Variants in TMEM117 observed in about 807,000 individuals in gnomAD.
TMEM117 encodes transmembrane protein 117.
A neutral mutation model predicts 52.4 loss-of-function variants in TMEM117; 27 were observed. The observed-to-expected ratio is 0.51, with a 90% CI of 0.38 to 0.71. The LOEUF (loss-of-function observed/expected upper bound fraction) is 0.71, where lower values mean the gene tolerates loss of function less well. TMEM117 is among the 30% of genes least tolerant of loss of function. The probability of loss-of-function intolerance (pLI) is 0.00; values close to 1 mark genes in which losing one functional copy is unlikely to be tolerated. For missense variants in TMEM117, 556 were observed against 630.5 expected, an observed-to-expected ratio of 0.88 and a Z score of 1.26; for synonymous variants, 215 against 206.3, an observed-to-expected ratio of 1.04 and a Z score of -0.36.
intron 5 of TMEM117, among the ~76,000 whole-genome samples, chr12:44,255,252 T>C (rs1950246314): frequency 1.3e-5 from 2 of 152,126 alleles, no homozygotes; most frequent in Admixed American, 6.6e-5. Context: ...CCACAATGGT[T>C]GAACTAGTTT....
At chr12:44,315,929 C>A (rs79035006) in intron 6 of TMEM117, among the ~76,000 whole-genome samples, 16 of 152,200 alleles carry the variant, frequency 1.1e-4, no homozygotes, top group Non-Finnish European at 1.9e-4. Flanking sequence ...CATGATAGAT[C>A]TTTCTTTCTC....
chr12:43,801,707 T>A, the TMEM117 span, among the ~76,000 whole-genome samples: 7 of 152,142 alleles, frequency 4.6e-5, no homozygotes, highest in African/African-American at 1.7e-4. Context: ...TCCTTCATTT[T>A]TCAGAGGCCC....
In TMEM117 at chr12:44,184,802, A is replaced by G. The variant is rs142742489; in HGVS notation, c.511-26488A>G. Among the ~76,000 whole-genome samples the G allele has an allele frequency of 2.4e-3, 362 of 152,274 alleles. 1 individual carries two copies. The highest frequency in any genetic ancestry group is 8.1e-3 in the African/African-American group (338 of 41,552). ...ATTTACCTCATTTTCTGACTACACA[A>G]CTGTGAGCTAGAAAATGCATGTTGT... On this transcript the variant is annotated intron_variant, in intron 4 of 7. Transcript: ENST00000266534.
chr12:44,061,954 T>C (rs2137956734), intron 3 of TMEM117, among the ~76,000 whole-genome samples: 1 of 152,190 alleles, frequency 6.6e-6, no homozygotes, highest in African/African-American at 2.4e-5. Flanking sequence ...TTGGGGAAAA[T>C]GGAAGGGCAT....
At chr12:43,801,229 G>A in the TMEM117 span, among the ~76,000 whole-genome samples, 5 of 152,080 alleles carry the variant, frequency 3.3e-5, no homozygotes, top group East Asian at 5.8e-4. Context: ...CAAAATTCAC[G>A]GCTTACCGAT....
In TMEM117 at chr12:43,938,245, T is replaced by A. The variant is rs930403118; in HGVS notation, c.278-5965T>A. Reference sequence around the variant, plus strand: ...GCAACAAGGCTATATTATATATTATTATATATTATATATTATATTATATAT... The same window carrying A: ...GCAACAAGGCTATATTATATATTATAATATATTATATATTATATTATATAT... On this transcript the variant is annotated intron_variant, in intron 2 of 7. Coordinates refer to ENST00000266534, the MANE Select transcript of TMEM117 (RefSeq NM_032256.3). 4.7e-5 allele frequency among the ~76,000 whole-genome samples: 7 copies of A among 147,808 alleles called. No individual in the cohort carries two copies. In the Admixed American group the frequency reaches 4.7e-4, roughly 10 times the overall value.
At chr12:43,907,123 T>C (rs1282318111) in intron 2 of TMEM117, among the ~76,000 whole-genome samples, 1 of 152,156 alleles carries the variant, frequency 6.6e-6, no homozygotes, top group Non-Finnish European at 1.5e-5. Context: ...AGAGCAGTGG[T>C]TCTCCCAGCA....
upstream of TMEM117, among the ~76,000 whole-genome samples, chr12:43,834,215 G>A (rs894689993): frequency 6.6e-6 from 1 of 152,140 alleles, no homozygotes; most frequent in African/African-American, 2.4e-5. Context: ...GGAGATACAA[G>A]GAAAATATAG....
At chr12:44,380,651 G>A (rs981074414) in intron 7 of TMEM117, among the ~76,000 whole-genome samples, 15 of 152,304 alleles carry the variant, frequency 9.8e-5, no homozygotes, top group African/African-American at 2.2e-4. Flanking sequence ...TTATCCCATA[G>A]GGTTGTTGTG....
chr12:44,018,725 C>CT (rs559433168), intron 3 of TMEM117, among the ~76,000 whole-genome samples: 3,525 of 140,634 alleles, frequency 0.025, 71 homozygotes, highest in East Asian at 0.064. Flanking sequence ...CTTTTTCTTT[C>CT]TTTTTTTTTT....
chr12:44,121,681 A>G (rs1948237393), intron 3 of TMEM117, among the ~76,000 whole-genome samples: 1 of 152,130 alleles, frequency 6.6e-6, no homozygotes, highest in African/African-American at 2.4e-5. Context: ...GGGAGTCAAA[A>G]TTATATACAG....
chr12:44,105,768 TC>T, intron 3 of TMEM117, among the ~76,000 whole-genome samples: 1 of 152,110 alleles, frequency 6.6e-6, no homozygotes, highest in Admixed American at 6.5e-5. Flanking sequence ...TAGGCTCTGA[TC>T]AAATCCCAAT....
chr12:43,881,928 T>C lies in TMEM117; in HGVS notation c.277+37000T>C, dbSNP rs538754945. 5.0e-3 allele frequency among the ~76,000 whole-genome samples: 742 copies of C among 147,608 alleles called. 2 individuals are homozygous for C. The highest frequency in any genetic ancestry group is 7.9e-3 in the Admixed American group (116 of 14,766). On this transcript the variant is annotated intron_variant, in intron 2 of 7. Coordinates refer to ENST00000266534, the MANE Select transcript of TMEM117 (RefSeq NM_032256.3). Reference sequence around the variant, plus strand: ...TCTACTAAAAATACAAAAAATTAGCTGGGCGTGGTGGCAAGCGCCTGTAGT... The same window carrying C: ...TCTACTAAAAATACAAAAAATTAGCCGGGCGTGGTGGCAAGCGCCTGTAGT...
At position 44,299,625 on chromosome 12, in the gene TMEM117, A is replaced by G. The variant is rs754832745; in HGVS notation, c.654A>G (p.Thr218=). The G allele has an allele frequency of 2.0e-5, 33 of 1,614,088 alleles. No individual in the cohort carries two copies. Among genetic ancestry groups the G allele is most frequent in the Non-Finnish European group, 2.7e-5 (32 of 1,180,028 alleles). ...CGTCTGTGGTTGTACTTGTGATTAC[A>G]ACGGACTGGATCAGCTGGGACAAGC... ...TLTSVVVLVI[T]TDWISWDKLN... is the part of the protein sequence containing the mutation. Residue 218 remains threonine (T), a synonymous_variant, in exon 6 of 8, where the codon ACA becomes ACG. Transcript: ENST00000266534.
chr12:43,890,379 A>G (rs956339815), intron 2 of TMEM117, among the ~76,000 whole-genome samples: 1 of 152,122 alleles, frequency 6.6e-6, no homozygotes, highest in African/African-American at 2.4e-5. Flanking sequence ...GCAGTGTAAA[A>G]GTACCTTTTC....
chr12:44,147,145 A>G (rs866268915), intron 4 of TMEM117, among the ~76,000 whole-genome samples: 9 of 152,186 alleles, frequency 5.9e-5, no homozygotes, highest in Non-Finnish European at 8.8e-5. Flanking sequence ...TATGTAAGAA[A>G]TACGTAAAGT....
chr12:44,270,045 TAAC>T (rs894899132), intron 5 of TMEM117, among the ~76,000 whole-genome samples: 12 of 152,090 alleles, frequency 7.9e-5, no homozygotes, highest in African/African-American at 2.7e-4. Flanking sequence ...AGTGCAATAA[TAAC>T]AAATATATTT....
At chr12:44,336,731 A>G (rs1951345889) in intron 6 of TMEM117, among the ~76,000 whole-genome samples, 1 of 151,932 alleles carries the variant, frequency 6.6e-6, no homozygotes. Context: ...GGAAAGCTAT[A>G]TATGTAAAAC....
intron 3 of TMEM117, among the ~76,000 whole-genome samples, chr12:44,090,674 A>AGGTG (rs61210324): frequency 0.03 from 4,625 of 151,850 alleles, 158 homozygotes; most frequent in African/African-American, 0.083. Flanking sequence ...TGACGTCCTA[A>AGGTG]GGTGATCCAC....
Sources: gnomAD v4.1 joint callset for allele counts (sites outside exome capture counted in the v4.1 genomes callset) on GRCh38, gnomAD v4.1.1 for gene constraint, MANE v1.5 for transcripts, NCBI Gene and HGNC (gene_info 2026-07-23, HGNC 2026-07-21) for gene names.